Variants in MYO5A observed in about 807,000 individuals in gnomAD.
MYO5A encodes the protein unconventional myosin-Va.
Under a neutral mutation model 249.7 loss-of-function variants are expected in MYO5A, and 98 were observed. That is an observed-to-expected ratio of 0.39 (90% CI 0.33 to 0.46). The LOEUF (loss-of-function observed/expected upper bound fraction) is 0.46, where lower values mean the gene tolerates loss of function less well. Among genes scored for constraint, MYO5A ranks in the 20% least tolerant of loss-of-function variants. The pLI, the probability that MYO5A is intolerant of heterozygous loss-of-function variation, is 0.98. For synonymous variants in MYO5A, 778 were observed against 810.6 expected (o/e 0.96, Z 0.68); for missense variants, 1,696 against 2,308.8 (o/e 0.73, Z 5.44).
At chr15:52,464,413 A>G (rs1418932547) in intron 1 of MYO5A, among the ~76,000 whole-genome samples, 1 of 151,970 alleles carries the variant, frequency 6.6e-6, no homozygotes, top group African/African-American at 2.4e-5. Context: ...CTCATTTCCC[A>G]TCTCTTCTTA....
intron 1 of MYO5A, among the ~76,000 whole-genome samples, chr15:52,460,082 G>C (rs2076213562): frequency 6.7e-6 from 1 of 148,976 alleles, no homozygotes; most frequent in Non-Finnish European, 1.5e-5. Context: ...CCACATCCCA[G>C]ATGATGGGCG....
At chr15:52,423,114 G>A (rs561722262) in intron 4 of MYO5A, among the ~76,000 whole-genome samples, 23 of 152,248 alleles carry the variant, frequency 1.5e-4, no homozygotes, top group African/African-American at 2.9e-4. Flanking sequence ...AGTGTCTGGC[G>A]TTTGGACGGT....
rs1596273983 is a variant in MYO5A, at chr15:52,319,065, C to T, written c.5229G>A (p.Gln1743=). The change falls in exon 39 of 42, where the codon CAG becomes CAA. Residue 1743 remains glutamine (Q), a synonymous_variant. Coordinates refer to ENST00000399233, the MANE Select transcript of MYO5A (RefSeq NM_001382347.1). ...AGGTGTTGGCATTTGCTCACCTGAT[C>T]TGCATGCCTTTACTCCAGGAGCACA... The part of the protein sequence containing the change: ...KDMCSWSKGM[Q]IRYNVSQLEE... 1 of 1,614,212 alleles carries T rather than the reference C, an allele frequency of 6.2e-7. No individual in the cohort carries two copies. Among genetic ancestry groups the T allele is most frequent in the East Asian group, 2.2e-5 (1 of 44,892 alleles).
At chr15:52,360,755 G>C (rs2040479590) in intron 24 of MYO5A, among the ~76,000 whole-genome samples, 1 of 152,138 alleles carries the variant, frequency 6.6e-6, no homozygotes, top group South Asian at 2.1e-4. Flanking sequence ...GAAAGTTCAA[G>C]AGGAATAGAA....
At chr15:52,445,527 G>A (rs1005057616) in intron 1 of MYO5A, among the ~76,000 whole-genome samples, 4 of 152,212 alleles carry the variant, frequency 2.6e-5, no homozygotes, top group African/African-American at 7.2e-5. Flanking sequence ...AACTGAAAAT[G>A]TAGAAGCAAC....
At chr15:52,314,268 C>G in intron 40 of MYO5A, 65 bp from the exon 41 acceptor site, 1 of 1,203,118 alleles carries the variant, frequency 8.3e-7, no homozygotes, top group Non-Finnish European at 1.2e-6. Context: ...TACCTATAAT[C>G]TGGAAAATTA....
chr15:52,314,993 C>G (rs1418499663), intron 40 of MYO5A, among the ~76,000 whole-genome samples: 1 of 151,916 alleles, frequency 6.6e-6, no homozygotes, highest in African/African-American at 2.4e-5. Context: ...AAATTAAGCA[C>G]CAGAGAACTA....
intron 1 of MYO5A, among the ~76,000 whole-genome samples, chr15:52,508,096 G>A (rs17651631): frequency 0.15 from 22,755 of 151,834 alleles, 1,785 homozygotes; most frequent in Middle Eastern, 0.22. Context: ...ACCATATTAC[G>A]TTACTGTTTG....
intron 1 of MYO5A, chr15:52,505,601 C>A (rs1001240123): frequency 1.4e-6 from 2 of 1,426,314 alleles, no homozygotes; most frequent in Non-Finnish European, 2.0e-6. Context: ...GCACTTGTTT[C>A]CAAGTCTTCC....
intron 25 of MYO5A, among the ~76,000 whole-genome samples, chr15:52,358,786 G>GT (rs778388776): frequency 5.7e-4 from 84 of 147,358 alleles, no homozygotes; most frequent in Middle Eastern, 3.2e-3. Context: ...ATAAATTACT[G>GT]TTTTTTAAAA....
At chr15:52,426,031 A>T in intron 3 of MYO5A, 57 bp from the exon 4 acceptor site, 1 of 1,470,022 alleles carries the variant, frequency 6.8e-7, no homozygotes, top group Non-Finnish European at 9.5e-7. Flanking sequence ...CCTAATGGGC[A>T]TATCAAACTT....
At chr15:52,524,082 C>T (rs967073923) in intron 1 of MYO5A, among the ~76,000 whole-genome samples, 9 of 152,144 alleles carry the variant, frequency 5.9e-5, no homozygotes, top group African/African-American at 2.2e-4. Context: ...AATCTACTGA[C>T]CTTAAGAGCT....
chr15:52,351,611 C>G, intron 27 of MYO5A, 130 bp from the exon 28 acceptor site: 1 of 873,140 alleles, frequency 1.1e-6, no homozygotes, highest in Non-Finnish European at 1.8e-6. Context: ...TGAATGGCTT[C>G]CTAGGTTCTG....
intron 1 of MYO5A, among the ~76,000 whole-genome samples, chr15:52,490,713 ATGT>A (rs533878327): frequency 4.6e-5 from 7 of 151,822 alleles, no homozygotes; most frequent in South Asian, 4.2e-4. Flanking sequence ...GTACAACAAT[ATGT>A]TGTTGTTGTT....
At chr15:52,368,367 C>T (rs1187369645) in intron 22 of MYO5A, among the ~76,000 whole-genome samples, 1 of 152,150 alleles carries the variant, frequency 6.6e-6, no homozygotes, top group African/African-American at 2.4e-5. Flanking sequence ...GGGTGCACAA[C>T]CAATCACCTA....
Position 52,319,325 on chromosome 15 carries a change from G to T in MYO5A, c.4969C>A (p.His1657Asn). Residue 1657 changes from histidine to asparagine, a missense_variant, in exon 39 of 42, where the codon CAT becomes AAT. By Grantham distance (68) the His-to-Asn change is moderately conservative (BLOSUM62 1). Transcript: ENST00000399233. ...CCAGACACGCCCTGAATCGTTTCAT[G>T]TTCCAGCATGCCTGAGACTGCAGGA... ...QPMIVSGMLE[H>N]ETIQGVSGVK... The T allele has an allele frequency of 1.9e-6, 3 of 1,614,170 alleles. No homozygotes were observed. Among genetic ancestry groups the T allele is most frequent in the Non-Finnish European group, 2.5e-6 (3 of 1,180,016 alleles).
rs1221189048 is a variant in MYO5A at position 52,317,226 on chromosome 15, T to C, written c.5235-4A>G. On this transcript the variant is annotated splice_polypyrimidine_tract_variant and splice_region_variant and intron_variant, in intron 39 of 41. Coordinates refer to ENST00000399233, the MANE Select transcript of MYO5A (RefSeq NM_001382347.1). ...TTCCAGTTGACTGACATTGTACCTA[T>C]GAAAAAAAAGAGATACAGAGAATGC... 1.2e-6 allele frequency: 2 copies of C among 1,612,998 alleles called. No homozygotes were observed. Among genetic ancestry groups the C allele is most frequent in the African/African-American group, 1.3e-5 (1 of 74,868 alleles).
intron 36 of MYO5A, 137 bp downstream of exon 36, chr15:52,327,715 A>G: frequency 1.1e-6 from 1 of 917,820 alleles, no homozygotes; most frequent in Non-Finnish European, 1.8e-6. Flanking sequence ...GTCTCAAAAT[A>G]GATAGGTAAG....
intron 33 of MYO5A, 129 bp from the exon 34 acceptor site, chr15:52,336,685 C>A: frequency 1.4e-6 from 1 of 715,946 alleles, no homozygotes; most frequent in Non-Finnish European, 2.3e-6. Context: ...GGTGGAGCCA[C>A]CACCTGGCTA....
Sources: gnomAD v4.1 joint callset for allele counts (sites outside exome capture counted in the v4.1 genomes callset) on GRCh38, gnomAD v4.1.1 for gene constraint, MANE v1.5 for transcripts, NCBI Gene and HGNC (gene_info 2026-07-23, HGNC 2026-07-21) for gene names.